The following GLI2 variants were observed in gnomAD, a reference collection of about 807,000 sequenced individuals.
GLI2 encodes the protein transcription activator GLI2.
In GLI2, 22 loss-of-function variants were observed where a neutral mutation model predicts 78.9. The ratio of observed to expected loss-of-function variants is 0.28; its 90% CI spans 0.20 to 0.40. The LOEUF is 0.40. Ranked by LOEUF, GLI2 falls within the 10% of genes least tolerant of loss-of-function variation. The pLI, the probability that GLI2 is intolerant of heterozygous loss-of-function variation, is 1.00. For missense variants in GLI2, 2,097 were observed against 2,213.2 expected (o/e 0.95, Z 1.05); for synonymous variants, 974 against 963.7 (o/e 1.01, Z -0.20).
chr2:120,813,820 G>A (rs374505238), intron 2 of GLI2, among the ~76,000 whole-genome samples: 133 of 152,338 alleles, frequency 8.7e-4, no homozygotes, highest in African/African-American at 3.1e-3. Flanking sequence ...GGAAGTCTGT[G>A]CCCCTGATTT....
chr2:120,894,612 G>C (rs371990288), intron 2 of GLI2, among the ~76,000 whole-genome samples: 58 of 152,206 alleles, frequency 3.8e-4, no homozygotes, highest in Admixed American at 3.2e-3. Flanking sequence ...TAACCCTTGG[G>C]GGGGGGTACC....
chr2:120,884,516 C>A (rs1573536081), intron 2 of GLI2, among the ~76,000 whole-genome samples: 1 of 152,168 alleles, frequency 6.6e-6, no homozygotes, highest in African/African-American at 2.4e-5. Context: ...GGGTTTCCAG[C>A]TAAACCTTCC....
chr2:120,828,223 T>G (rs1367520573), intron 2 of GLI2, among the ~76,000 whole-genome samples: 1 of 152,212 alleles, frequency 6.6e-6, no homozygotes, highest in Non-Finnish European at 1.5e-5. Flanking sequence ...AGCAGCTTGC[T>G]GGGCCAAGGC....
At chr2:120,985,008 G>A (rs1558937420) in intron 12 of GLI2, among the ~76,000 whole-genome samples, 1 of 152,162 alleles carries the variant, frequency 6.6e-6, no homozygotes, top group East Asian at 1.9e-4. Flanking sequence ...CTGTACGGTG[G>A]GCCTGCACAG....
chr2:120,783,359 C>G (rs1338550979), intron 1 of GLI2, among the ~76,000 whole-genome samples: 2 of 152,124 alleles, frequency 1.3e-5, no homozygotes, highest in East Asian at 3.9e-4. Flanking sequence ...GAGCCAAGCC[C>G]ACCTGTGGCA....
rs547750594 is a variant in GLI2, at chr2:120,766,895, C to T, written c.-30-30396C>T. Among the ~76,000 whole-genome samples, 6 of 152,306 alleles carry T rather than the reference C, an allele frequency of 3.9e-5. No individual in the cohort carries two copies. In the East Asian group the frequency reaches 1.2e-3, roughly 29 times the overall value. On this transcript the variant is annotated intron_variant, in intron 1 of 13. Coordinates refer to ENST00000361492, the MANE Select transcript of GLI2 (RefSeq NM_001374353.1). ...CTTAGGGCAGTTCGCTATGGAGGGC[C>T]TGTTCCCAGGTCTGCAGTGTCACTG... is the stretch of plus-strand genomic sequence containing the variant.
intron 2 of GLI2, among the ~76,000 whole-genome samples, chr2:120,894,613 G>C (rs865938192): frequency 2.6e-5 from 4 of 152,098 alleles, no homozygotes; most frequent in Non-Finnish European, 5.9e-5. Flanking sequence ...AACCCTTGGG[G>C]GGGGGTACCA....
intron 1 of GLI2, among the ~76,000 whole-genome samples, chr2:120,781,255 A>T: frequency 6.6e-6 from 1 of 152,102 alleles, no homozygotes; most frequent in East Asian, 1.9e-4. Context: ...GGGGATGAGG[A>T]GAAATGGCCT....
At chr2:120,741,443 C>CT (rs1558775143) in intron 1 of GLI2, among the ~76,000 whole-genome samples, 1 of 151,870 alleles carries the variant, frequency 6.6e-6, no homozygotes, top group Non-Finnish European at 1.5e-5. Context: ...GTCCTGCCCC[C>CT]ACCCCCTCTT....
intron 1 of GLI2, among the ~76,000 whole-genome samples, chr2:120,778,742 C>T (rs1197695328): frequency 6.6e-6 from 1 of 152,236 alleles, no homozygotes; most frequent in African/African-American, 2.4e-5. Flanking sequence ...GAACCTGGCA[C>T]ACCCATGGCC....
intron 2 of GLI2, among the ~76,000 whole-genome samples, chr2:120,843,438 C>T (rs1471738682): frequency 6.6e-6 from 1 of 152,230 alleles, no homozygotes; most frequent in Non-Finnish European, 1.5e-5. Context: ...CAGCTGTACC[C>T]AGTCTGTGTT....
At chr2:120,752,219 G>C (rs1273988383) in intron 1 of GLI2, among the ~76,000 whole-genome samples, 2 of 150,824 alleles carry the variant, frequency 1.3e-5, no homozygotes, top group Non-Finnish European at 2.9e-5. Context: ...GTACATGTAT[G>C]TATATGTGTG....
intron 1 of GLI2, among the ~76,000 whole-genome samples, chr2:120,741,993 C>A (rs996612974): frequency 1.3e-5 from 2 of 152,238 alleles, no homozygotes; most frequent in Non-Finnish European, 2.9e-5. Context: ...CCGGGTCTTC[C>A]TCGACCCCGT....
chr2:120,960,935 T>C lies in GLI2; in HGVS notation c.643+5505T>C, dbSNP rs115949041. Among the ~76,000 whole-genome samples the C allele has an allele frequency of 8.6e-3, 1,309 of 152,328 alleles. 17 individuals are homozygous for C. The highest frequency in any genetic ancestry group is 0.028 in the African/African-American group (1,169 of 41,580). On this transcript the variant is annotated intron_variant, in intron 5 of 13. Coordinates refer to ENST00000361492, the MANE Select transcript of GLI2 (RefSeq NM_001374353.1). ...CAGCAGGAAGACAGGAGCGCTGCTGTGTGGGAAGGTGATAGAGAACCAGTC... is the reference window on the plus strand; with the variant it reads ...CAGCAGGAAGACAGGAGCGCTGCTGCGTGGGAAGGTGATAGAGAACCAGTC...
intron 7 of GLI2, 76 bp from the exon 8 acceptor site, chr2:120,971,865 A>C: frequency 1.6e-6 from 2 of 1,280,276 alleles, no homozygotes; most frequent in South Asian, 2.4e-5. Context: ...GAGATCCTAG[A>C]GTTAAAGTCC....
chr2:120,983,667 C>G (rs1022832785), intron 11 of GLI2, among the ~76,000 whole-genome samples: 1 of 152,216 alleles, frequency 6.6e-6, no homozygotes, highest in Admixed American at 6.5e-5. Context: ...CTGAGAGAAC[C>G]AGGGAGAAAG....
chr2:120,747,723 G>T (rs1244982415), intron 1 of GLI2, among the ~76,000 whole-genome samples: 2 of 152,174 alleles, frequency 1.3e-5, no homozygotes, highest in Non-Finnish European at 2.9e-5. Flanking sequence ...CTGAGTGGGG[G>T]CACATCATAG....
intron 2 of GLI2, among the ~76,000 whole-genome samples, chr2:120,826,379 G>T (rs1686060463): frequency 6.6e-6 from 1 of 152,148 alleles, no homozygotes; most frequent in African/African-American, 2.4e-5. Context: ...TTCAGCTTCT[G>T]ATGTTTATAT....
chr2:120,981,648 G>A (rs1181147771), intron 10 of GLI2, among the ~76,000 whole-genome samples: 1 of 152,180 alleles, frequency 6.6e-6, no homozygotes, highest in African/African-American at 2.4e-5. Context: ...AGGGGAGGAT[G>A]GGAGGAATGA....
Sources: gnomAD v4.1 joint callset for allele counts (sites outside exome capture counted in the v4.1 genomes callset) on GRCh38, gnomAD v4.1.1 for gene constraint, MANE v1.5 for transcripts, NCBI Gene and HGNC (gene_info 2026-07-23, HGNC 2026-07-21) for gene names.